RBFOX1: variants seen among roughly 807,000 people sequenced by gnomAD.
RBFOX1 encodes the protein RNA binding fox-1 homolog 1, also known as RNA binding protein fox-1 homolog 1.
In RBFOX1, 8 loss-of-function variants were observed where a neutral mutation model predicts 57.7. The observed-to-expected ratio is 0.14, with a 90% CI of 0.08 to 0.25. The LOEUF is 0.25. Among genes scored for constraint, RBFOX1 ranks in the 10% least tolerant of loss-of-function variants. The pLI is 1.00. For missense variants in RBFOX1, 611 were observed against 548.5 expected (o/e 1.11, Z -1.14); for synonymous variants, 326 against 222.4 (o/e 1.47, Z -4.15).
At chr16:5,992,325 C>T (rs553702368) in intron 4 of RBFOX1, among the ~76,000 whole-genome samples, 1 of 152,332 alleles carries the variant, frequency 6.6e-6, no homozygotes, top group South Asian at 2.1e-4. Flanking sequence ...ATTGCTTAGG[C>T]AACTCTGTTC....
intron 2 of RBFOX1, among the ~76,000 whole-genome samples, chr16:6,472,163 T>A (rs2095191428): frequency 6.6e-6 from 1 of 152,208 alleles, no homozygotes; most frequent in Non-Finnish European, 1.5e-5. Flanking sequence ...AATTCCACAT[T>A]TCTTGGAGAG....
At chr16:5,414,450 A>G (rs1013169492) in intron 1 of RBFOX1, among the ~76,000 whole-genome samples, 2 of 152,276 alleles carry the variant, frequency 1.3e-5, no homozygotes, top group Middle Eastern at 3.4e-3. Context: ...CCCTCTAATC[A>G]ACAGAATGGA....
chr16:5,483,777 A>AC (rs1269817177), intron 2 of RBFOX1, among the ~76,000 whole-genome samples: 3 of 152,120 alleles, frequency 2.0e-5, no homozygotes, highest in Non-Finnish European at 2.9e-5. Flanking sequence ...GCGGTTTAAA[A>AC]CAACAGACAT....
At chr16:5,543,329 G>A (rs1423836564) in intron 2 of RBFOX1, among the ~76,000 whole-genome samples, 2 of 151,948 alleles carry the variant, frequency 1.3e-5, no homozygotes, top group Non-Finnish European at 2.9e-5. Context: ...CAGAAACATG[G>A]AAGACAAAAA....
intron 1 of RBFOX1, among the ~76,000 whole-genome samples, chr16:6,298,965 G>T (rs754659908): frequency 6.6e-6 from 1 of 152,162 alleles, no homozygotes; most frequent in Non-Finnish European, 1.5e-5. Context: ...ATTCATTGGT[G>T]ACAGTGGATG....
intron 4 of RBFOX1, among the ~76,000 whole-genome samples, chr16:7,207,530 A>T (rs778496789): frequency 5.9e-5 from 9 of 152,200 alleles, no homozygotes; most frequent in Non-Finnish European, 1.3e-4. Flanking sequence ...TCCAGTGAAT[A>T]TTGACAGAAT....
intron 4 of RBFOX1, among the ~76,000 whole-genome samples, chr16:7,311,022 G>C (rs7185128): frequency 0.8 from 121,451 of 152,242 alleles, 48,585 homozygotes; most frequent in East Asian, 0.94. Flanking sequence ...TACTCCTTCC[G>C]CTACCTTGAC....
chr16:7,093,203 G>T (rs958519569), intron 4 of RBFOX1, among the ~76,000 whole-genome samples: 1 of 152,176 alleles, frequency 6.6e-6, no homozygotes, highest in African/African-American at 2.4e-5. Flanking sequence ...TGGTCACCGT[G>T]TATCTCAGTT....
intron 1 of RBFOX1, among the ~76,000 whole-genome samples, chr16:5,454,438 A>T (rs2068518082): frequency 6.6e-6 from 1 of 152,216 alleles, no homozygotes; most frequent in South Asian, 2.1e-4. Context: ...ATGTGGTTAC[A>T]TGTTATTCTG....
At chr16:5,880,191 C>G (rs1478459830) in intron 4 of RBFOX1, among the ~76,000 whole-genome samples, 1 of 152,290 alleles carries the variant, frequency 6.6e-6, no homozygotes, top group South Asian at 2.1e-4. Flanking sequence ...CCGTTCCAAA[C>G]AAGAGGAAAT....
chr16:6,420,167 C>T (rs988246712), intron 2 of RBFOX1, among the ~76,000 whole-genome samples: 1 of 151,842 alleles, frequency 6.6e-6, no homozygotes, highest in African/African-American at 2.4e-5. Flanking sequence ...ACTCTGCAGT[C>T]GATGAAAGGG....
chr16:6,946,097 A>G (rs2079461301), intron 3 of RBFOX1, among the ~76,000 whole-genome samples: 1 of 152,220 alleles, frequency 6.6e-6, no homozygotes, highest in Non-Finnish European at 1.5e-5. Context: ...TGGGTAACTC[A>G]GGATTTGCTT....
intron 3 of RBFOX1, among the ~76,000 whole-genome samples, chr16:5,741,709 C>T (rs928842386): frequency 4.6e-5 from 7 of 152,052 alleles, no homozygotes; most frequent in African/African-American, 7.2e-5. Context: ...AAATTTGGGC[C>T]GGTTAAAGTG....
At chr16:6,101,701 C>T (rs1483001135) in intron 1 of RBFOX1, among the ~76,000 whole-genome samples, 3 of 152,142 alleles carry the variant, frequency 2.0e-5, no homozygotes, top group African/African-American at 4.8e-5. Context: ...GTGGGTGGAT[C>T]ACCTGAGGTC....
rs115139208 is a variant in RBFOX1 at position 7,263,646 on chromosome 16, C to G, written c.27+211548C>G. Among the ~76,000 whole-genome samples the G allele has an allele frequency of 6.2e-3, 941 of 151,996 alleles. 10 individuals are homozygous for G. Among genetic ancestry groups the G allele is most frequent in the African/African-American group, 0.022 (893 of 41,434 alleles). ...GGAACGGTGGCTCACACCTGTAATC[C>G]CAGCACAGAGAGGCCGAGGCAGGTG... On this transcript the variant is annotated intron_variant, in intron 4 of 15. Transcript: ENST00000550418.
chr16:6,034,733 C>T (rs1204369878), intron 1 of RBFOX1, among the ~76,000 whole-genome samples: 1 of 152,124 alleles, frequency 6.6e-6, no homozygotes, highest in East Asian at 1.9e-4. Flanking sequence ...TAACACTTTC[C>T]ATCTGCCAAG....
intron 5 of RBFOX1, among the ~76,000 whole-genome samples, chr16:7,569,071 A>G (rs1326158112): frequency 1.3e-5 from 2 of 151,850 alleles, no homozygotes; most frequent in East Asian, 3.9e-4. Flanking sequence ...TAAACCCATT[A>G]TCCGTTATCG....
At chr16:5,867,604 A>G (rs1384591846) in intron 4 of RBFOX1, among the ~76,000 whole-genome samples, 1 of 152,214 alleles carries the variant, frequency 6.6e-6, no homozygotes, top group Non-Finnish European at 1.5e-5. Flanking sequence ...ATTCTAGCCC[A>G]GCTCAGACAA....
At chr16:7,351,667 C>T (rs1034189612) in intron 4 of RBFOX1, among the ~76,000 whole-genome samples, 3 of 151,984 alleles carry the variant, frequency 2.0e-5, no homozygotes, top group African/African-American at 4.8e-5. Context: ...CTCTTTTTTT[C>T]GCTTCCTGGG....
Sources: allele counts gnomAD v4.1 joint callset (sites outside exome capture counted in the v4.1 genomes callset), GRCh38; gene constraint gnomAD v4.1.1; transcripts MANE v1.5; gene names NCBI Gene and HGNC (gene_info 2026-07-23, HGNC 2026-07-21).